Variants in CAP2 observed in about 807,000 individuals in gnomAD.
CAP2 encodes cyclase associated actin cytoskeleton regulatory protein 2.
Under a neutral mutation model 57.7 loss-of-function variants are expected in CAP2, and 24 were observed. That is an observed-to-expected ratio of 0.42 (90% confidence interval 0.30 to 0.58). The LOEUF (loss-of-function observed/expected upper bound fraction) is 0.58, where lower values mean the gene tolerates loss of function less well. Ranked by LOEUF, CAP2 falls within the 20% of genes least tolerant of loss-of-function variation. The pLI is 0.22. For missense variants in CAP2, 501 were observed against 590.3 expected, an observed-to-expected ratio of 0.85 and a Z score of 1.57; for synonymous variants, 194 against 207.2, an observed-to-expected ratio of 0.94 and a Z score of 0.55.
intron 4 of CAP2, among the ~76,000 whole-genome samples, chr6:17,474,677 C>G (rs1050309219): frequency 6.6e-6 from 1 of 152,160 alleles, no homozygotes; most frequent in Non-Finnish European, 1.5e-5. Context: ...TGTCAAACAA[C>G]AAGTAACTTC....
intron 1 of CAP2, among the ~76,000 whole-genome samples, chr6:17,401,120 C>A (rs1161489060): frequency 6.6e-6 from 1 of 152,142 alleles, no homozygotes; most frequent in Non-Finnish European, 1.5e-5. Context: ...TCCCAAAATT[C>A]TTATGTTGAA....
intron 4 of CAP2, among the ~76,000 whole-genome samples, chr6:17,490,046 T>G (rs1761509010): frequency 6.6e-6 from 1 of 152,174 alleles, no homozygotes; most frequent in Non-Finnish European, 1.5e-5. Flanking sequence ...TGTATGCATG[T>G]AAGTGAAAAA....
chr6:17,539,235 A>G (rs1409302678), intron 7 of CAP2, 34 bp from the exon 8 acceptor site: 12 of 1,577,172 alleles, frequency 7.6e-6, no homozygotes, highest in South Asian at 1.1e-5. Context: ...CGCAGTCTCA[A>G]TGCAATGCAA....
intron 3 of CAP2, among the ~76,000 whole-genome samples, chr6:17,459,786 G>A: frequency 6.6e-6 from 1 of 152,044 alleles, no homozygotes; most frequent in East Asian, 1.9e-4. Context: ...ACTAACAATA[G>A]AAAAAGTATT....
At chr6:17,421,779 C>T in intron 2 of CAP2, 103 bp downstream of exon 2, 1 of 1,286,084 alleles carries the variant, frequency 7.8e-7, no homozygotes, top group South Asian at 1.2e-5. Flanking sequence ...CTTCAGCTTC[C>T]CTACTCCTTC....
At chr6:17,429,153 T>C (rs1236320413) in intron 3 of CAP2, among the ~76,000 whole-genome samples, 1 of 152,212 alleles carries the variant, frequency 6.6e-6, no homozygotes, top group African/African-American at 2.4e-5. Flanking sequence ...AAACCTTGTA[T>C]GCAGCAAGAG....
chr6:17,473,804 T>G (rs1761081375), intron 4 of CAP2, among the ~76,000 whole-genome samples: 1 of 152,192 alleles, frequency 6.6e-6, no homozygotes, highest in Non-Finnish European at 1.5e-5. Flanking sequence ...AAAACCATCA[T>G]TTGATATTAG....
intron 1 of CAP2, among the ~76,000 whole-genome samples, chr6:17,420,000 T>A (rs547715230): frequency 2.3e-4 from 35 of 152,292 alleles, no homozygotes; most frequent in African/African-American, 8.2e-4. Context: ...GCCTCCCAAG[T>A]AGCTGGGATT....
intron 7 of CAP2, among the ~76,000 whole-genome samples, chr6:17,514,814 C>T (rs1020103661): frequency 1.3e-5 from 2 of 152,172 alleles, no homozygotes; most frequent in African/African-American, 2.4e-5. Flanking sequence ...TGCAATGAAA[C>T]ACTCTACAGC....
At chr6:17,478,275 C>T (rs1761203860) in intron 4 of CAP2, among the ~76,000 whole-genome samples, 1 of 148,940 alleles carries the variant, frequency 6.7e-6, no homozygotes. Context: ...GCTGGGACCA[C>T]AGACGTGCAC....
chr6:17,448,688 T>A (rs1056391647), intron 3 of CAP2, among the ~76,000 whole-genome samples: 4 of 152,238 alleles, frequency 2.6e-5, no homozygotes, highest in Non-Finnish European at 5.9e-5. Flanking sequence ...CTGCACATAC[T>A]GTTTCTGTAA....
At chr6:17,481,305 C>T (rs1347580660) in intron 4 of CAP2, among the ~76,000 whole-genome samples, 4 of 152,084 alleles carry the variant, frequency 2.6e-5, no homozygotes, top group Non-Finnish European at 2.9e-5. Context: ...TAAACTCTAT[C>T]TCTTTCTGAA....
intron 3 of CAP2, among the ~76,000 whole-genome samples, chr6:17,460,183 G>C (rs1194109549): frequency 6.6e-6 from 1 of 152,152 alleles, no homozygotes; most frequent in Non-Finnish European, 1.5e-5. Flanking sequence ...TCTGAAAATG[G>C]AGAGAGAAAG....
chr6:17,543,588 G>A (rs1229373564), intron 11 of CAP2, among the ~76,000 whole-genome samples: 2 of 138,154 alleles, frequency 1.4e-5, no homozygotes, highest in African/African-American at 5.5e-5. Flanking sequence ...TCGCGCCACT[G>A]CACTCCAGCC....
At chr6:17,515,841 C>T (rs777267931) in intron 7 of CAP2, among the ~76,000 whole-genome samples, 13 of 152,224 alleles carry the variant, frequency 8.5e-5, no homozygotes, top group Admixed American at 4.6e-4. Flanking sequence ...TGAGATGTTG[C>T]GCTGACCTTT....
intron 1 of CAP2, among the ~76,000 whole-genome samples, chr6:17,402,550 T>C (rs1758844685): frequency 6.6e-6 from 1 of 152,180 alleles, no homozygotes; most frequent in South Asian, 2.1e-4. Flanking sequence ...GAATGAAATT[T>C]TGACTCTCAT....
At chr6:17,404,441 T>TA (rs1454169814) in intron 1 of CAP2, among the ~76,000 whole-genome samples, 2 of 152,136 alleles carry the variant, frequency 1.3e-5, no homozygotes, top group African/African-American at 2.4e-5. Context: ...CCGTCTCTAC[T>TA]GAAAATACAA....
chr6:17,455,548 T>G (rs1434074278), intron 3 of CAP2, among the ~76,000 whole-genome samples: 7 of 151,958 alleles, frequency 4.6e-5, no homozygotes, highest in African/African-American at 1.7e-4. Flanking sequence ...ACTTTTTTTT[T>G]TTTTTGAGAC....
intron 1 of CAP2, among the ~76,000 whole-genome samples, chr6:17,403,197 G>A (rs530374182): frequency 9.5e-4 from 144 of 152,344 alleles, no homozygotes; most frequent in African/African-American, 3.3e-3. Context: ...TGCCTCCTGG[G>A]TTTAAGTGAT....
Sources: gnomAD v4.1 joint callset for allele counts (sites outside exome capture counted in the v4.1 genomes callset) on GRCh38, gnomAD v4.1.1 for gene constraint, MANE v1.5 for transcripts, NCBI Gene and HGNC (gene_info 2026-07-23, HGNC 2026-07-21) for gene names.